The following SHISA9 variants were observed in gnomAD, a reference collection of about 807,000 sequenced individuals.
SHISA9 encodes shisa family member 9.
Under a neutral mutation model 38.0 loss-of-function variants are expected in SHISA9, and 13 were observed. The ratio of observed to expected loss-of-function variants is 0.34; its 90% confidence interval spans 0.22 to 0.54. SHISA9 has a LOEUF of 0.54. Ranked by LOEUF, SHISA9 falls within the 20% of genes least tolerant of loss-of-function variation. The probability of loss-of-function intolerance (pLI) is 0.91; values close to 1 mark genes in which losing one functional copy is unlikely to be tolerated. For synonymous variants in SHISA9, 275 were observed against 242.0 expected (o/e 1.14, Z -1.27); for missense variants, 538 against 575.8 (o/e 0.93, Z 0.67).
intron 2 of SHISA9, among the ~76,000 whole-genome samples, chr16:13,118,718 CTTTTCTT>C (rs1471914456): frequency 2.3e-5 from 3 of 133,016 alleles, no homozygotes; most frequent in Non-Finnish European, 4.7e-5. Context: ...TTCTTTCTTT[CTTTTCTT>C]TTTTCTTTTT....
chr16:12,995,943 T>G (rs963556163), intron 2 of SHISA9, among the ~76,000 whole-genome samples: 2 of 152,066 alleles, frequency 1.3e-5, no homozygotes, highest in Non-Finnish European at 2.9e-5. Context: ...GCTTCTTGAG[T>G]TGTGGTTTGT....
At chr16:13,558,246 C>G in the SHISA9 span, among the ~76,000 whole-genome samples, 1 of 152,148 alleles carries the variant, frequency 6.6e-6, no homozygotes, top group Non-Finnish European at 1.5e-5. Context: ...GTTGACAATT[C>G]TCTAAAATCC....
the SHISA9 span, among the ~76,000 whole-genome samples, chr16:13,446,756 C>A: frequency 6.6e-6 from 1 of 151,972 alleles, no homozygotes; most frequent in Non-Finnish European, 1.5e-5. Context: ...GCGGGTGGAT[C>A]ACTTGAGACC....
the SHISA9 span, among the ~76,000 whole-genome samples, chr16:13,341,095 G>C: frequency 6.6e-6 from 1 of 152,148 alleles, no homozygotes; most frequent in East Asian, 1.9e-4. Flanking sequence ...CACTGGGAAG[G>C]ATCCATGTTT....
the SHISA9 span, among the ~76,000 whole-genome samples, chr16:13,351,939 CAG>C: frequency 6.6e-6 from 1 of 152,142 alleles, no homozygotes; most frequent in Non-Finnish European, 1.5e-5. Flanking sequence ...TGCTGGAAGA[CAG>C]AGGGAGAAAT....
At chr16:13,250,800 C>T in the SHISA9 span, among the ~76,000 whole-genome samples, 1 of 152,136 alleles carries the variant, frequency 6.6e-6, no homozygotes, top group Non-Finnish European at 1.5e-5. Flanking sequence ...CTGTGAAGTC[C>T]ATGGCAGCTG....
chr16:13,404,860 G>A, the SHISA9 span, among the ~76,000 whole-genome samples: 2 of 152,142 alleles, frequency 1.3e-5, no homozygotes, highest in Non-Finnish European at 2.9e-5. Flanking sequence ...ATCTTCTAGG[G>A]GGCTTTTAAG....
chr16:13,514,382 TAATC>T, the SHISA9 span, among the ~76,000 whole-genome samples: 16 of 152,066 alleles, frequency 1.1e-4, no homozygotes, highest in Admixed American at 3.3e-4. Flanking sequence ...AGAGAATAAA[TAATC>T]AATCAAACCA....
chr16:13,507,823 A>G, the SHISA9 span, among the ~76,000 whole-genome samples: 23 of 152,330 alleles, frequency 1.5e-4, no homozygotes, highest in Admixed American at 1.5e-3. Flanking sequence ...TGAAGGCTAG[A>G]AATGGGGTAG....
chr16:13,140,085 T>TCTTCCCGTCCCTTCC (rs2050386302), intron 2 of SHISA9, among the ~76,000 whole-genome samples: 1 of 52,266 alleles, frequency 1.9e-5, no homozygotes, highest in East Asian at 8.1e-4. Flanking sequence ...TTTCCTCTTC[T>TCTTCCCGTCCCTTCC]CTTCCCTTCC....
At chr16:13,118,687 G>A (rs958705505) in intron 2 of SHISA9, among the ~76,000 whole-genome samples, 9 of 151,650 alleles carry the variant, frequency 5.9e-5, no homozygotes, top group Non-Finnish European at 1.2e-4. Flanking sequence ...GTACACTAAA[G>A]TCTACGGCAC....
the SHISA9 span, among the ~76,000 whole-genome samples, chr16:13,438,014 C>CA: frequency 6.7e-6 from 1 of 149,650 alleles, no homozygotes; most frequent in Admixed American, 6.8e-5. Context: ...TACAGGCATC[C>CA]GCCACCAGGC....
At chr16:12,904,908 G>T (rs1012962207) in intron 1 of SHISA9, among the ~76,000 whole-genome samples, 1 of 152,066 alleles carries the variant, frequency 6.6e-6, no homozygotes, top group Non-Finnish European at 1.5e-5. Context: ...AGTAGAGACG[G>T]GTTTTCACCA....
the SHISA9 span, among the ~76,000 whole-genome samples, chr16:13,384,723 A>C: frequency 1.3e-5 from 2 of 152,182 alleles, no homozygotes; most frequent in Admixed American, 1.3e-4. Context: ...CTTTTCCCAA[A>C]CAGCCATGAT....
chr16:13,422,794 C>T, the SHISA9 span, among the ~76,000 whole-genome samples: 1 of 152,182 alleles, frequency 6.6e-6, no homozygotes, highest in Non-Finnish European at 1.5e-5. Flanking sequence ...AATGTTGATC[C>T]TGTAATTTTC....
At position 12,979,550 on chromosome 16, in the gene SHISA9, C is replaced by T. The variant is rs2072213044; in HGVS notation, c.691+62735C>T. ...ATCATCAGTCTTGGTTCGTCATTTA[C>T]TTGTTTTCCTTTTGATATCTGTATT... On this transcript the variant is annotated intron_variant, in intron 2 of 4. Coordinates refer to ENST00000558583, the MANE Select transcript of SHISA9 (RefSeq NM_001145204.3). Among the ~76,000 whole-genome samples, 2 of 152,110 alleles carry T rather than the reference C, an allele frequency of 1.3e-5. 1 individual carries two copies. Among genetic ancestry groups the T allele is most frequent in the Admixed American group, 1.3e-4 (2 of 15,272 alleles).
chr16:13,218,206 C>G (rs2051189930), intron 4 of SHISA9, among the ~76,000 whole-genome samples: 1 of 152,176 alleles, frequency 6.6e-6, no homozygotes, highest in African/African-American at 2.4e-5. Flanking sequence ...GGCTTGAGGA[C>G]TTGACCCAGA....
At chr16:13,038,617 C>G (rs1193424269) in intron 2 of SHISA9, among the ~76,000 whole-genome samples, 2 of 152,216 alleles carry the variant, frequency 1.3e-5, no homozygotes, top group South Asian at 2.1e-4. Flanking sequence ...TATATAACCT[C>G]CAGATTTCAG....
chr16:13,273,336 A>T, the SHISA9 span, among the ~76,000 whole-genome samples: 1 of 152,098 alleles, frequency 6.6e-6, no homozygotes, highest in Non-Finnish European at 1.5e-5. Context: ...TTCCCACCCA[A>T]ATCTCATCTT....
Sources: allele counts gnomAD v4.1 joint callset (sites outside exome capture counted in the v4.1 genomes callset), GRCh38; gene constraint gnomAD v4.1.1; transcripts MANE v1.5; gene names NCBI Gene and HGNC (gene_info 2026-07-23, HGNC 2026-07-21).